Variants in COL24A1 observed in about 807,000 individuals in gnomAD.
The protein encoded by COL24A1 is collagen alpha-1(XXIV) chain.
COL24A1 carries 224 observed loss-of-function variants against 253.9 expected under a neutral mutation model. The observed-to-expected ratio is 0.88, with a 90% CI of 0.79 to 0.99. The LOEUF (loss-of-function observed/expected upper bound fraction) is 0.99. Among genes scored for constraint, COL24A1 ranks in the 50% least tolerant of loss-of-function variants. The probability of loss-of-function intolerance (pLI) is 0.00; values close to 1 mark genes in which losing one functional copy is unlikely to be tolerated. For synonymous variants in COL24A1, 685 were observed against 673.7 expected (o/e 1.02, Z -0.26); for missense variants, 2,131 against 2,068.5 (o/e 1.03, Z -0.59).
intron 24 of COL24A1, among the ~76,000 whole-genome samples, chr1:85,958,207 GGAAAT>G (rs1294872215): frequency 2.6e-5 from 4 of 151,984 alleles, no homozygotes; most frequent in African/African-American, 9.7e-5. Context: ...TGGCAAAGAT[GGAAAT>G]TATGTTATAT....
chr1:85,889,789 C>A (rs1682916339), intron 31 of COL24A1, among the ~76,000 whole-genome samples, 176 bp from the exon 32 acceptor site: 1 of 151,114 alleles, frequency 6.6e-6, no homozygotes, highest in Non-Finnish European at 1.5e-5. Context: ...ACTATTTTAA[C>A]CATTTTTAAA....
chr1:86,125,226 G>A lies in COL24A1; in HGVS notation c.1110C>T (p.Leu370=), dbSNP rs778887899. The A allele has an allele frequency of 8.1e-6, 13 of 1,613,528 alleles. No individual in the cohort carries two copies. In the African/African-American group the frequency reaches 1.6e-4, roughly 20 times the overall value. Residue 370 remains leucine, a synonymous_variant, in exon 3 of 60, where the codon CTC becomes CTT. Transcript: ENST00000370571. The part of the protein sequence containing the change: ...KMNTKEKFSS[L]LNMSDNITQH... ...GTGTGATATTGTCAGACATGTTTAG[G>A]AGAGAGCTAAATTTCTCTTTGGTAT...
intron 2 of COL24A1, among the ~76,000 whole-genome samples, chr1:86,131,469 C>T (rs1208778416): frequency 1.3e-5 from 2 of 151,632 alleles, no homozygotes; most frequent in Non-Finnish European, 2.9e-5. Flanking sequence ...CCCATTAACT[C>T]GTCATTAACA....
chr1:86,107,778 A>G (rs1705145256), intron 5 of COL24A1, among the ~76,000 whole-genome samples: 1 of 151,880 alleles, frequency 6.6e-6, no homozygotes, highest in African/African-American at 2.4e-5. Flanking sequence ...CTCGTGATCT[A>G]CCCGCCTCGG....
chr1:86,031,231 G>A (rs1698541035), intron 14 of COL24A1, among the ~76,000 whole-genome samples: 1 of 151,940 alleles, frequency 6.6e-6, no homozygotes, highest in Non-Finnish European at 1.5e-5. Flanking sequence ...CAAATATGTG[G>A]GAGCTAAATA....
chr1:85,842,085 C>T lies in COL24A1; in HGVS notation c.3553G>A (p.Gly1185Arg). ...QGQPGPSGLP[G>R]PKGEKGYPGE... ...ACACAAACCTTTTCTCCTTTAGGTC[C>T]TGGCAATCCAGAGGGTCCTGGTTGG... is the stretch of plus-strand genomic sequence containing the variant. Residue 1185 changes from glycine (G) to arginine (R), a missense_variant, in exon 41 of 60, where the codon GGA becomes AGA. Physicochemically the swap from Gly to Arg is moderately radical, Grantham distance 125. Coordinates refer to ENST00000370571, the MANE Select transcript of COL24A1 (RefSeq NM_152890.7). 6.2e-7 allele frequency: 1 copy of T among 1,613,728 alleles called. No individual in the cohort carries two copies. Among genetic ancestry groups the T allele is most frequent in the African/African-American group, 1.3e-5 (1 of 75,040 alleles).
At chr1:86,101,532 A>G (rs901059015) in intron 5 of COL24A1, among the ~76,000 whole-genome samples, 4 of 152,080 alleles carry the variant, frequency 2.6e-5, no homozygotes, top group African/African-American at 9.7e-5. Flanking sequence ...TCTGTCATAT[A>G]TGGTTCTTAT....
intron 45 of COL24A1, among the ~76,000 whole-genome samples, chr1:85,821,448 A>G (rs1393948562): frequency 6.6e-6 from 1 of 152,146 alleles, no homozygotes; most frequent in Non-Finnish European, 1.5e-5. Context: ...TTCATTTGAA[A>G]ATTAAGAGGG....
At chr1:86,031,745 C>T (rs559938721) in intron 14 of COL24A1, 133 bp downstream of exon 14, 3 of 582,938 alleles carry the variant, frequency 5.1e-6, no homozygotes, top group Non-Finnish European at 8.6e-6. Context: ...GAAAAAAATA[C>T]ATTTAATCAA....
intron 43 of COL24A1, among the ~76,000 whole-genome samples, chr1:85,829,311 T>C (rs1674854336): frequency 6.6e-6 from 1 of 151,960 alleles, no homozygotes; most frequent in Non-Finnish European, 1.5e-5. Flanking sequence ...CTGATGGGCT[T>C]TCCTTTGTGG....
chr1:86,122,891 T>C (rs1647601651), intron 3 of COL24A1, among the ~76,000 whole-genome samples: 1 of 151,958 alleles, frequency 6.6e-6, no homozygotes, highest in Non-Finnish European at 1.5e-5. Flanking sequence ...AAATTCCCCT[T>C]TGAGAACAAG....
At chr1:85,852,683 A>G (rs1167895178) in intron 37 of COL24A1, among the ~76,000 whole-genome samples, 1 of 152,098 alleles carries the variant, frequency 6.6e-6, no homozygotes, top group Non-Finnish European at 1.5e-5. Flanking sequence ...TTTCCACACC[A>G]TTTTTACAAA....
intron 55 of COL24A1, among the ~76,000 whole-genome samples, chr1:85,748,551 A>C (rs990120079): frequency 2.6e-5 from 4 of 152,098 alleles, no homozygotes; most frequent in Admixed American, 2.6e-4. Context: ...GAATAGGAAC[A>C]GCTCCGGTCT....
intron 43 of COL24A1, among the ~76,000 whole-genome samples, chr1:85,833,911 A>C (rs1351111798): frequency 6.8e-6 from 1 of 146,450 alleles, no homozygotes; most frequent in Admixed American, 6.9e-5. Context: ...GTGGGAATTG[A>C]ACAATGAGAA....
At chr1:86,133,157 T>C (rs1649568140) in intron 2 of COL24A1, among the ~76,000 whole-genome samples, 1 of 152,096 alleles carries the variant, frequency 6.6e-6, no homozygotes, top group African/African-American at 2.4e-5. Flanking sequence ...TCTCTGTTTG[T>C]CTGTTGGTGT....
intron 24 of COL24A1, among the ~76,000 whole-genome samples, chr1:85,933,299 T>C (rs1378571636): frequency 1.3e-5 from 2 of 152,086 alleles, no homozygotes; most frequent in Non-Finnish European, 2.9e-5. Context: ...CAATAGAAAA[T>C]GTACCCTTCT....
At chr1:86,096,175 A>G (rs1163547631) in intron 5 of COL24A1, among the ~76,000 whole-genome samples, 1 of 152,176 alleles carries the variant, frequency 6.6e-6, no homozygotes, top group African/African-American at 2.4e-5. Context: ...AGGACTAAAA[A>G]CAATTATTAT....
chr1:86,155,424 A>C (rs985315875), intron 1 of COL24A1: 2 of 152,930 alleles, frequency 1.3e-5, no homozygotes, highest in Non-Finnish European at 2.9e-5. Flanking sequence ...GAAGACTTCC[A>C]CAGCCGCGTT....
chr1:86,004,764 G>A (rs1695773166), intron 19 of COL24A1, among the ~76,000 whole-genome samples: 1 of 152,138 alleles, frequency 6.6e-6, no homozygotes, highest in African/African-American at 2.4e-5. Context: ...CTTGACAGAA[G>A]ACACAACAAA....
Sources: allele counts gnomAD v4.1 joint callset (sites outside exome capture counted in the v4.1 genomes callset), GRCh38; gene constraint gnomAD v4.1.1; transcripts MANE v1.5; gene names NCBI Gene and HGNC (gene_info 2026-07-23, HGNC 2026-07-21).